The following TTLL10 variants were observed in gnomAD, a reference collection of about 807,000 sequenced individuals.
TTLL10 encodes tubulin tyrosine ligase like 10.
TTLL10 carries 61 observed loss-of-function variants against 69.0 expected under a neutral mutation model. The observed-to-expected ratio is 0.88, with a 90% confidence interval of 0.72 to 1.09. The LOEUF (loss-of-function observed/expected upper bound fraction) is 1.09. TTLL10 is among the 50% of genes least tolerant of loss of function. The pLI is 0.00. For missense variants in TTLL10, 962 were observed against 945.9 expected, an observed-to-expected ratio of 1.02 and a Z score of -0.22; for synonymous variants, 408 against 393.3, an observed-to-expected ratio of 1.04 and a Z score of -0.44.
At chr1:1,175,452 C>G in intron 3 of TTLL10, 1 of 356,430 alleles carries the variant, frequency 2.8e-6, no homozygotes, top group Non-Finnish European at 5.5e-6. Context: ...ACACGCTGCC[C>G]TGTCCATATC....
chr1:1,192,768 GTTC>G lies in TTLL10; in HGVS notation c.1402-3831_1402-3829del, dbSNP rs200821187. On this transcript the variant is annotated intron_variant, in intron 13 of 15. Coordinates refer to ENST00000379289, the MANE Select transcript of TTLL10 (RefSeq NM_001130045.2). ...TGGTATGAGTGTAGACACTCCAGTTGTTCATATCAGTGTAGACACTCCAGTTGG... is the reference window on the plus strand; with the variant it reads ...TGGTATGAGTGTAGACACTCCAGTTGATATCAGTGTAGACACTCCAGTTGG... Among the ~76,000 whole-genome samples, 52 of 70,094 alleles carry G rather than the reference GTTC, an allele frequency of 7.4e-4. No homozygotes were observed. The African/African-American group carries it at 7.8e-3, about 10-fold the overall frequency. 46.0% of individuals were successfully genotyped at this position (70,094 alleles called of 152,430 possible).
rs200663360 is a variant in TTLL10, at chr1:1,182,373, G to A, written c.843G>A (p.Met281Ile). 6.2e-7 allele frequency: 1 copy of A among 1,613,880 alleles called. No homozygotes were observed. The highest frequency in any genetic ancestry group is 1.6e-4 in the Middle Eastern group (1 of 6,062). The stretch of plus-strand genomic sequence containing the variant: ...CCCTGCCCTGCAGGGTCCTGAGAAT[G>A]GAAGAGTTTTTCCCAGAGACCTACC... Reference protein sequence around the residue: ...GYLRPQRVLRMEEFFPETYRL... With the variant: ...GYLRPQRVLRIEEFFPETYRL... Residue 281 changes from methionine (M) to isoleucine (I), a missense_variant, in exon 10 of 16, where the codon ATG (methionine) becomes ATA (isoleucine). Physicochemically the swap from Met to Ile is conservative, Grantham distance 10. Transcript: ENST00000379289.
chr1:1,183,958 T>C lies in TTLL10; in HGVS notation c.1127T>C (p.Phe376Ser), dbSNP rs1647161294. 6.2e-7 allele frequency: 1 copy of C among 1,614,162 alleles called. No homozygotes were observed. Among genetic ancestry groups the C allele is most frequent in the Non-Finnish European group, 8.5e-7 (1 of 1,180,020 alleles). The part of the protein sequence containing the change: ...QNPLLVDGRK[F>S]DVRSYLLIAC... ...CCGCTGCTGGTGGACGGGAGAAAGT[T>C]TGACGTGCGCTCCTACCTGCTCATT... The change falls in exon 12 of 16, where the codon TTT becomes TCT. Residue 376 changes from phenylalanine to serine, a missense_variant. By Grantham distance (155) the Phe-to-Ser change is radical. Coordinates refer to ENST00000379289, the MANE Select transcript of TTLL10 (RefSeq NM_001130045.2).
chr1:1,179,940 G>A, intron 5 of TTLL10, 94 bp from the exon 6 acceptor site: 1 of 1,442,640 alleles, frequency 6.9e-7, no homozygotes, highest in Non-Finnish European at 9.1e-7. Flanking sequence ...CCAGGGTATT[G>A]GAGAAATGGG....
intron 14 of TTLL10, 151 bp from the exon 15 acceptor site, chr1:1,196,942 C>A: frequency 2.4e-6 from 2 of 831,814 alleles, no homozygotes; most frequent in Admixed American, 2.3e-5. Flanking sequence ...GAGCTTCAGA[C>A]CCTCAGAGCT....
rs188290957 is a variant in TTLL10, at chr1:1,184,957, G to A, written c.1261-12G>A. On this transcript the variant is annotated splice_polypyrimidine_tract_variant and intron_variant, in intron 12 of 15. Transcript: ENST00000379289. Reference sequence around the variant, plus strand: ...GTCTGGGAGCCAGTCTCCAGGCACCGTGTGCCCCCAGTTCATGCAGAAGAA... The same window carrying A: ...GTCTGGGAGCCAGTCTCCAGGCACCATGTGCCCCCAGTTCATGCAGAAGAA... 1.2e-3 allele frequency: 1,964 copies of A among 1,601,084 alleles called. 12 individuals carry two copies. The highest frequency in any genetic ancestry group is 6.2e-3 in the South Asian group (546 of 88,440).
intron 3 of TTLL10, among the ~76,000 whole-genome samples, chr1:1,178,122 G>A (rs929075527): frequency 3.3e-5 from 5 of 152,144 alleles, no homozygotes; most frequent in Admixed American, 1.3e-4. Context: ...GGCTTCCTGC[G>A]GGTGAGATTG....
At chr1:1,183,081 T>TG in intron 11 of TTLL10, 34 bp downstream of exon 11, 2 of 1,553,296 alleles carry the variant, frequency 1.3e-6, no homozygotes, top group Admixed American at 1.9e-5. Flanking sequence ...GGTGAGGGTC[T>TG]GGGCTGGCTG....
chr1:1,175,818 ACCGTGCAGGTGGAGAGAGGCTGC>A (rs1557468495), intron 3 of TTLL10: 2 of 327,364 alleles, frequency 6.1e-6, no homozygotes, highest in African/African-American at 3.6e-5. Context: ...AGAGGCTGCC[ACCGTGCAGGTGGAGAGAGGCTGC>A]CGCTGTGCCG....
At position 1,185,378 on chromosome 1, in the gene TTLL10, G is replaced by A. The variant is rs947152281; in HGVS notation, c.1401+269G>A. 3 of 1,313,826 alleles carry A rather than the reference G, an allele frequency of 2.3e-6. No individual in the cohort carries two copies. The highest frequency in any genetic ancestry group is 3.0e-5 in the African/African-American group (2 of 65,994). 81.4% of individuals were successfully genotyped at this position (1,313,826 alleles called of 1,614,324 possible). ...GCGGGCAGCCTCGCCGTAGGGTCAG[G>A]GGACAGCTCGGCTTCAGTGACAGCC... On this transcript the variant is annotated intron_variant, in intron 13 of 15. Transcript: ENST00000379289. This position sits in a 1 kb window ranked among gnomAD's most constrained non-coding sequence, Gnocchi z 6.1.
At chr1:1,175,711 C>G (rs754460683) in intron 3 of TTLL10, 1 of 457,110 alleles carries the variant, frequency 2.2e-6, no homozygotes, top group South Asian at 1.5e-5. Flanking sequence ...TTGCAGCAAC[C>G]CTGCGAGGCT....
chr1:1,180,443 G>GC, intron 6 of TTLL10, 40 bp from the exon 7 acceptor site: 1 of 1,385,174 alleles, frequency 7.2e-7, no homozygotes. Context: ...CCAACCCCTT[G>GC]CCTCGGCCCC....
intron 10 of TTLL10, 21 bp from the exon 11 acceptor site, chr1:1,182,855 C>T (rs1447288988): frequency 1.3e-6 from 2 of 1,541,832 alleles, no homozygotes; most frequent in Non-Finnish European, 1.8e-6. Context: ...AGGCCAGGGG[C>T]TCAGGCCGCG....
chr1:1,196,537 C>A, intron 13 of TTLL10, 63 bp from the exon 14 acceptor site: 1 of 1,282,488 alleles, frequency 7.8e-7, no homozygotes, highest in South Asian at 1.3e-5. Context: ...TGTGGCTGTT[C>A]AGACCTGGGG....
At chr1:1,195,438 CTTTTA>C in intron 13 of TTLL10, among the ~76,000 whole-genome samples, 1 of 146,986 alleles carries the variant, frequency 6.8e-6, no homozygotes. Context: ...ATTTGATTCT[CTTTTA>C]TAATTTTTCT....
At chr1:1,196,827 A>G in intron 14 of TTLL10, 111 bp downstream of exon 14, 1 of 859,606 alleles carries the variant, frequency 1.2e-6, no homozygotes. Context: ...GTCAGCCCCC[A>G]CCCTGCCTGC....
chr1:1,179,061 A>C, intron 3 of TTLL10, 128 bp from the exon 4 acceptor site: 1 of 628,236 alleles, frequency 1.6e-6, no homozygotes, highest in South Asian at 2.1e-5. Context: ...GCAGAGGCTC[A>C]AGCCCACGGC....
In TTLL10 at chr1:1,185,338, G is replaced by T. The variant is rs1042011648; in HGVS notation, c.1401+229G>T. On this transcript the variant is annotated intron_variant, in intron 13 of 15. Transcript: ENST00000379289. This position sits in a 1 kb window ranked among gnomAD's most constrained non-coding sequence, Gnocchi z 6.1. The stretch of plus-strand genomic sequence containing the variant: ...GGACGGAAAGCCCAGTCGGGGGTCT[G>T]TCGGCACGAGTCCCGCGGGCAGCCT... The T allele has an allele frequency of 3.8e-5, 52 of 1,374,156 alleles. No homozygotes were observed. The African/African-American group carries it at 7.1e-4, about 19-fold the overall frequency. 85.1% of individuals were successfully genotyped at this position (1,374,156 alleles called of 1,614,324 possible).
At chr1:1,180,898 C>G in intron 8 of TTLL10, 38 bp downstream of exon 8, 2 of 1,507,472 alleles carry the variant, frequency 1.3e-6, no homozygotes, top group Non-Finnish European at 1.8e-6. Context: ...TCCCTGCGCC[C>G]GCCCCTACGC....
Sources: gnomAD v4.1 joint callset for allele counts (sites outside exome capture counted in the v4.1 genomes callset) on GRCh38, gnomAD v4.1.1 for gene constraint, Gnocchi (gnomAD v3.1) non-coding constraint, MANE v1.5 for transcripts, NCBI Gene and HGNC (gene_info 2026-07-23, HGNC 2026-07-21) for gene names.